Variants in PITPNB observed in about 807,000 individuals in gnomAD.
The protein encoded by PITPNB is phosphatidylinositol transfer protein beta isoform.
PITPNB carries 16 observed loss-of-function variants against 45.9 expected under a neutral mutation model. The ratio of observed to expected loss-of-function variants is 0.35; its 90% CI spans 0.24 to 0.53. The LOEUF (loss-of-function observed/expected upper bound fraction) is 0.53, where lower values mean the gene tolerates loss of function less well. Among genes scored for constraint, PITPNB ranks in the 20% least tolerant of loss-of-function variants. The pLI is 0.93. For synonymous variants in PITPNB, 112 were observed against 108.9 expected (o/e 1.03, Z -0.18); for missense variants, 188 against 330.5 (o/e 0.57, Z 3.34).
intron 7 of PITPNB, among the ~76,000 whole-genome samples, chr22:27,892,695 A>AT (rs1375187666): frequency 6.6e-6 from 1 of 152,254 alleles, no homozygotes; most frequent in African/African-American, 2.4e-5. Flanking sequence ...ATAAAAGGGC[A>AT]TAACAGATAT....
Position 27,911,120 on chromosome 22 carries a change from AAAG to A in PITPNB, c.52-14_52-12del, listed in dbSNP as rs765034600. On this transcript the variant is annotated splice_polypyrimidine_tract_variant and intron_variant, in intron 2 of 11. Coordinates refer to ENST00000335272, the MANE Select transcript of PITPNB (RefSeq NM_012399.5). ...CTGCCCAACCTGATACTGAAATTTC[AAAG>A]AATACAGAAACTGAGTAAGTCAGTA... The A allele has an allele frequency of 3.1e-6, 5 of 1,608,698 alleles. No homozygotes were observed. Among genetic ancestry groups the A allele is most frequent in the East Asian group, 4.5e-5 (2 of 44,816 alleles).
At chr22:27,871,217 A>G (rs1437136968) in intron 8 of PITPNB, among the ~76,000 whole-genome samples, 2 of 152,238 alleles carry the variant, frequency 1.3e-5, no homozygotes. Context: ...CAAGTTCCTA[A>G]AAAGTTAGAA....
At position 27,910,912 on chromosome 22, in the gene PITPNB, C is replaced by T. The variant is rs2146426582; in HGVS notation, c.197+52G>A. On this transcript the variant is annotated intron_variant, in intron 3 of 11. Coordinates refer to ENST00000335272, the MANE Select transcript of PITPNB (RefSeq NM_012399.5). ...ACTAGTTAAGTTAGCTAGTTACATG[C>T]ATCATAAGTAAGCCAGGTAGTTACA... 3 of 1,375,642 alleles carry T rather than the reference C, an allele frequency of 2.2e-6. No individual in the cohort carries two copies. In the Admixed American group the frequency reaches 5.1e-5, roughly 23 times the overall value. The allele number at this position is 1,375,642 out of a possible 1,614,324, so 85.2% of individuals were successfully genotyped here.
In PITPNB at chr22:27,891,581, A is replaced by C. The variant is rs191111501; in HGVS notation, c.456+2974T>G. On this transcript the variant is annotated intron_variant, in intron 7 of 11. Transcript: ENST00000335272. ...AGGGACCTGTGATCCCCATGTGTCA[A>C]GGAAGGGAGGTGACTGGACCATGGG... 5.9e-5 allele frequency among the ~76,000 whole-genome samples: 9 copies of C among 152,332 alleles called. No individual in the cohort carries two copies. The East Asian group carries it at 1.2e-3, about 20-fold the overall frequency.
At chr22:27,858,678 G>C (rs1394420309) in intron 9 of PITPNB, among the ~76,000 whole-genome samples, 169 bp from the exon 10 acceptor site, 4 of 151,802 alleles carry the variant, frequency 2.6e-5, no homozygotes, top group African/African-American at 7.3e-5. Context: ...ATTGTGTCCA[G>C]CAAAATTAAA....
chr22:27,890,614 A>C (rs552158869), intron 7 of PITPNB, among the ~76,000 whole-genome samples: 26 of 152,238 alleles, frequency 1.7e-4, no homozygotes, highest in Non-Finnish European at 3.8e-4. Context: ...GGAGATCGAG[A>C]CCATCCTGGC....
At chr22:27,910,108 A>G (rs929146304) in intron 3 of PITPNB, among the ~76,000 whole-genome samples, 1 of 151,666 alleles carries the variant, frequency 6.6e-6, no homozygotes, top group Non-Finnish European at 1.5e-5. Context: ...GCGCCACCAC[A>G]CCCAGGCTAA....
At chr22:27,895,725 A>T (rs1160915497) in intron 6 of PITPNB, among the ~76,000 whole-genome samples, 1 of 152,242 alleles carries the variant, frequency 6.6e-6, no homozygotes, top group Non-Finnish European at 1.5e-5. Flanking sequence ...GTAATAGAAC[A>T]GTAAAAACAG....
At chr22:27,901,828 G>A (rs1310337775) in intron 3 of PITPNB, among the ~76,000 whole-genome samples, 1 of 152,058 alleles carries the variant, frequency 6.6e-6, no homozygotes, top group African/African-American at 2.4e-5. Flanking sequence ...ACGCTGCAGT[G>A]AGCCAAGATC....
At chr22:27,905,019 T>C (rs188344353) in intron 3 of PITPNB, among the ~76,000 whole-genome samples, 32 of 152,398 alleles carry the variant, frequency 2.1e-4, no homozygotes, top group Non-Finnish European at 3.4e-4. Context: ...AGGATCACTC[T>C]TGATTTGGAA....
chr22:27,919,034 G>GGGGGAGGGAGGGGGCGCCC, intron 1 of PITPNB, 138 bp downstream of exon 1: 1 of 1,295,518 alleles, frequency 7.7e-7, no homozygotes, highest in Non-Finnish European at 1.1e-6. Context: ...CGAAGGGGCC[G>GGGGGAGGGAGGGGGCGCCC]GGGGAGGGAG....
At chr22:27,854,232 TTTTGA>T (rs1934109061) in intron 11 of PITPNB, among the ~76,000 whole-genome samples, 1 of 151,094 alleles carries the variant, frequency 6.6e-6, no homozygotes, top group Non-Finnish European at 1.5e-5. Context: ...GTGAGGGAGA[TTTTGA>T]TTTTTTTTTT....
At chr22:27,916,021 G>A (rs1351065903) in intron 1 of PITPNB, among the ~76,000 whole-genome samples, 1 of 152,160 alleles carries the variant, frequency 6.6e-6, no homozygotes, top group East Asian at 1.9e-4. Context: ...TGTCACAAAG[G>A]CCTGAACCAA....
intron 8 of PITPNB, among the ~76,000 whole-genome samples, chr22:27,861,753 G>GA (rs1287674243): frequency 4.0e-5 from 6 of 151,636 alleles, no homozygotes; most frequent in Non-Finnish European, 7.4e-5. Flanking sequence ...ATGATTAAAA[G>GA]AAAAAAAAGG....
intron 8 of PITPNB, among the ~76,000 whole-genome samples, chr22:27,860,959 G>T (rs1934310253): frequency 6.6e-6 from 1 of 150,858 alleles, no homozygotes; most frequent in Admixed American, 6.6e-5. Context: ...AGGCTGAAGT[G>T]GGAGGATCAC....
chr22:27,919,124 C>CCATCACTGCCGTCCCACGG (rs763724620), intron 1 of PITPNB, 48 bp downstream of exon 1: 2 of 1,613,800 alleles, frequency 1.2e-6, no homozygotes, highest in African/African-American at 2.7e-5. Flanking sequence ...AACAAATCTC[C>CCATCACTGCCGTCCCACGG]CATCACTGCC....
At chr22:27,870,953 G>T (rs1417116390) in intron 8 of PITPNB, among the ~76,000 whole-genome samples, 1 of 152,246 alleles carries the variant, frequency 6.6e-6, no homozygotes, top group Non-Finnish European at 1.5e-5. Context: ...AAGAGTAGCT[G>T]GATACACCAT....
rs1936201503 is a variant in PITPNB, at chr22:27,919,223, T to TACCACCGCCGCCGCCGCC, written c.-50_-33dup. On this transcript the variant is annotated 5_prime_UTR_variant, in exon 1 of 12. Transcript: ENST00000335272. ...GGAACCCCCTCACAGCTGCCGCCGATACCACCGCCGCCGCCGCCGCTACCG... is the reference window on the plus strand; with the variant it reads ...GGAACCCCCTCACAGCTGCCGCCGATACCACCGCCGCCGCCGCCACCACCGCCGCCGCCGCCGCTACCG... 1.9e-6 allele frequency: 3 copies of TACCACCGCCGCCGCCGCC among 1,589,662 alleles called. No individual in the cohort carries two copies. Among genetic ancestry groups the TACCACCGCCGCCGCCGCC allele is most frequent in the Non-Finnish European group, 2.6e-6 (3 of 1,160,034 alleles).
chr22:27,905,715 C>G (rs191485331), intron 3 of PITPNB, among the ~76,000 whole-genome samples: 13 of 152,272 alleles, frequency 8.5e-5, no homozygotes, highest in Admixed American at 7.8e-4. Flanking sequence ...AATTCCCCAT[C>G]AATCAGGACT....
Sources: allele counts gnomAD v4.1 joint callset (sites outside exome capture counted in the v4.1 genomes callset), GRCh38; gene constraint gnomAD v4.1.1; transcripts MANE v1.5; gene names NCBI Gene and HGNC (gene_info 2026-07-23, HGNC 2026-07-21).